Variants in ITPR1 observed in about 807,000 individuals in gnomAD.
The protein encoded by ITPR1 is inositol 1,4,5-trisphosphate receptor type 1.
ITPR1 carries 96 observed loss-of-function variants against 318.4 expected under a neutral mutation model. The observed-to-expected ratio is 0.30, with a 90% CI of 0.26 to 0.36. The LOEUF (loss-of-function observed/expected upper bound fraction) is 0.36, where lower values mean the gene tolerates loss of function less well. ITPR1 is among the 10% of genes least tolerant of loss of function. The pLI is 1.00. For missense variants in ITPR1, 2,440 were observed against 3,460.2 expected, an observed-to-expected ratio of 0.71 and a Z score of 7.40; for synonymous variants, 1,312 against 1,289.9, an observed-to-expected ratio of 1.02 and a Z score of -0.37.
At position 4,683,661 on chromosome 3, in the gene ITPR1, A is replaced by C; in HGVS notation, c.3361A>C (p.Asn1121His). The C allele has an allele frequency of 1.2e-6, 2 of 1,614,066 alleles. No homozygotes were observed. Among genetic ancestry groups the C allele is most frequent in the Non-Finnish European group, 1.7e-6 (2 of 1,179,894 alleles). The change falls in exon 28 of 62, where the codon AAC becomes CAC. Residue 1121 changes from asparagine (N) to histidine (H), a missense_variant. Physicochemically the swap from Asn to His is moderately conservative, Grantham distance 68. Transcript: ENST00000649015. ...QLLVTSQDVD[N>H]YKQIKQDLDQ... ...GCTGGTTACCAGCCAAGATGTGGAC[A>C]ACTACAAACAGATCAAACAAGACTT...
intron 4 of ITPR1, among the ~76,000 whole-genome samples, chr3:4,605,820 G>T (rs1050657115): frequency 6.6e-6 from 1 of 152,112 alleles, no homozygotes; most frequent in South Asian, 2.1e-4. Flanking sequence ...GATTCCACTG[G>T]CCTTTCCTGG....
In ITPR1 at chr3:4,700,667, G is replaced by A. The variant is rs192358901; in HGVS notation, c.4536+726G>A. Among the ~76,000 whole-genome samples the A allele has an allele frequency of 8.7e-4, 133 of 152,306 alleles. 1 individual carries two copies. Among genetic ancestry groups the A allele is most frequent in the East Asian group, 3.1e-3 (16 of 5,192 alleles). On this transcript the variant is annotated intron_variant, in intron 35 of 61. Transcript: ENST00000649015. The stretch of plus-strand genomic sequence containing the variant: ...GGAAAAAAGCAGATGGTGAGCCATC[G>A]TGTCCTTTTGCTCTTCCAGGAGGTT...
At chr3:4,728,010 G>T (rs1575035896) in intron 42 of ITPR1, among the ~76,000 whole-genome samples, 1 of 152,318 alleles carries the variant, frequency 6.6e-6, no homozygotes, top group Middle Eastern at 3.4e-3. Flanking sequence ...TTGTCATTTA[G>T]TACTGGATCT....
At chr3:4,655,127 C>T (rs1037181795) in intron 12 of ITPR1, among the ~76,000 whole-genome samples, 1 of 152,196 alleles carries the variant, frequency 6.6e-6, no homozygotes, top group Non-Finnish European at 1.5e-5. Flanking sequence ...TGTTTGAACA[C>T]TTGGACTGGG....
intron 4 of ITPR1, among the ~76,000 whole-genome samples, chr3:4,587,976 A>T (rs1006066850): frequency 2.6e-5 from 4 of 152,124 alleles, no homozygotes; most frequent in Non-Finnish European, 5.9e-5. Flanking sequence ...CCCTAAGCAT[A>T]TTTACTGCCA....
intron 4 of ITPR1, among the ~76,000 whole-genome samples, chr3:4,533,227 G>GA (rs1400879590): frequency 2.0e-5 from 3 of 152,120 alleles, no homozygotes; most frequent in Admixed American, 6.5e-5. Context: ...TGAACAAATA[G>GA]AAAAAAACAA....
At chr3:4,678,857 C>G (rs775060138) in intron 24 of ITPR1, among the ~76,000 whole-genome samples, 3 of 152,064 alleles carry the variant, frequency 2.0e-5, no homozygotes, top group African/African-American at 4.8e-5. Context: ...ATAGAGTGTG[C>G]TGAGGGGAAG....
At chr3:4,787,701 T>C (rs1404994103) in intron 51 of ITPR1, among the ~76,000 whole-genome samples, 1 of 151,912 alleles carries the variant, frequency 6.6e-6, no homozygotes, top group Non-Finnish European at 1.5e-5. Flanking sequence ...CCTGACTCTG[T>C]CTCAAAAAAA....
intron 60 of ITPR1, among the ~76,000 whole-genome samples, chr3:4,825,408 TC>T (rs2050007156): frequency 6.6e-6 from 1 of 152,118 alleles, no homozygotes; most frequent in Admixed American, 6.5e-5. Context: ...GAGCCCGCAT[TC>T]CTGAAAAATG....
chr3:4,681,519 T>C, intron 26 of ITPR1, 101 bp downstream of exon 26: 1 of 839,384 alleles, frequency 1.2e-6, no homozygotes, highest in African/African-American at 1.7e-5. Context: ...GTCTCTGGGC[T>C]TAGGTTGTTT....
chr3:4,653,742 G>A, intron 11 of ITPR1, 100 bp from the exon 12 acceptor site: 2 of 781,864 alleles, frequency 2.6e-6, no homozygotes, highest in South Asian at 3.2e-5. Flanking sequence ...GTTCTTAGCT[G>A]TTCAAGGATG....
At chr3:4,576,084 C>T (rs1048739144) in intron 4 of ITPR1, among the ~76,000 whole-genome samples, 3 of 151,154 alleles carry the variant, frequency 2.0e-5, no homozygotes, top group Non-Finnish European at 4.4e-5. Context: ...GGCACAAAGT[C>T]GTTTTATTGT....
At chr3:4,714,991 CTT>C (rs1200522172) in intron 39 of ITPR1, among the ~76,000 whole-genome samples, 1 of 152,242 alleles carries the variant, frequency 6.6e-6, no homozygotes, top group African/African-American at 2.4e-5. Flanking sequence ...TGATCGACCT[CTT>C]GTCATGTGCT....
intron 55 of ITPR1, among the ~76,000 whole-genome samples, chr3:4,810,024 C>CG (rs1319746867): frequency 2.0e-5 from 3 of 152,088 alleles, no homozygotes; most frequent in African/African-American, 7.2e-5. Flanking sequence ...GCCAATCGAC[C>CG]GGAAAATGAC....
intron 53 of ITPR1, among the ~76,000 whole-genome samples, chr3:4,796,872 T>C (rs1228432947): frequency 6.6e-6 from 1 of 152,206 alleles, no homozygotes; most frequent in Admixed American, 6.5e-5. Context: ...AACTTTGATA[T>C]GGCTTCAGAA....
intron 45 of ITPR1, 129 bp from the exon 46 acceptor site, chr3:4,768,382 T>A: frequency 9.2e-7 from 1 of 1,082,340 alleles, no homozygotes; most frequent in Non-Finnish European, 1.3e-6. Context: ...GTGACTTCTT[T>A]GAGTGTTTTG....
chr3:4,516,128 C>T (rs1176005095), intron 2 of ITPR1, among the ~76,000 whole-genome samples: 1 of 152,124 alleles, frequency 6.6e-6, no homozygotes, highest in East Asian at 1.9e-4. Flanking sequence ...CAGGTAACTC[C>T]CTAGTCACTG....
chr3:4,512,304 A>G (rs1311243901), intron 2 of ITPR1, among the ~76,000 whole-genome samples: 1 of 152,164 alleles, frequency 6.6e-6, no homozygotes, highest in Non-Finnish European at 1.5e-5. Context: ...TGAACAAAGA[A>G]TAGGCTCTAT....
At chr3:4,595,420 G>A (rs2090728516) in intron 4 of ITPR1, among the ~76,000 whole-genome samples, 1 of 152,206 alleles carries the variant, frequency 6.6e-6, no homozygotes, top group South Asian at 2.1e-4. Flanking sequence ...GCACTAAGGT[G>A]ATGGTGCGAA....
Sources: allele counts gnomAD v4.1 joint callset (sites outside exome capture counted in the v4.1 genomes callset), GRCh38; gene constraint gnomAD v4.1.1; transcripts MANE v1.5; gene names NCBI Gene and HGNC (gene_info 2026-07-23, HGNC 2026-07-21).